Variants in FSTL4 observed in about 807,000 individuals in gnomAD.
The protein encoded by FSTL4 is follistatin-related protein 4.
FSTL4 carries 28 observed loss-of-function variants against 78.2 expected under a neutral mutation model. The ratio of observed to expected loss-of-function variants is 0.36; its 90% CI spans 0.27 to 0.49. FSTL4 has a LOEUF of 0.49. Ranked by LOEUF, FSTL4 falls within the 20% of genes least tolerant of loss-of-function variation. The pLI is 0.98. For synonymous variants in FSTL4, 422 were observed against 440.5 expected (o/e 0.96, Z 0.53); for missense variants, 922 against 1,084.9 (o/e 0.85, Z 2.11).
the FSTL4 span, among the ~76,000 whole-genome samples, chr5:133,811,897 T>C: frequency 6.6e-6 from 1 of 152,202 alleles, no homozygotes; most frequent in African/African-American, 2.4e-5. Context: ...CCCTCCTCCT[T>C]GTCTTCACTT....
At chr5:133,539,101 T>C (rs182998518) in intron 3 of FSTL4, among the ~76,000 whole-genome samples, 5 of 152,228 alleles carry the variant, frequency 3.3e-5, no homozygotes, top group African/African-American at 1.2e-4. Flanking sequence ...AGAAGTCATA[T>C]AGAATCACAT....
At chr5:133,702,852 T>C in the FSTL4 span, among the ~76,000 whole-genome samples, 1 of 152,310 alleles carries the variant, frequency 6.6e-6, no homozygotes, top group South Asian at 2.1e-4. Context: ...GGCAGGGCAC[T>C]GGAGCTTCCT....
At chr5:133,810,017 C>T in the FSTL4 span, among the ~76,000 whole-genome samples, 2 of 152,340 alleles carry the variant, frequency 1.3e-5, no homozygotes, top group Admixed American at 1.3e-4. Context: ...CAAAGAGGAG[C>T]AATGCACTGA....
chr5:133,439,426 C>T (rs935251834), intron 3 of FSTL4, among the ~76,000 whole-genome samples: 1 of 152,144 alleles, frequency 6.6e-6, no homozygotes, highest in Admixed American at 6.6e-5. Flanking sequence ...GGTGGGACTG[C>T]GATTGATACC....
At chr5:133,840,071 CT>C in the FSTL4 span, among the ~76,000 whole-genome samples, 1 of 152,292 alleles carries the variant, frequency 6.6e-6, no homozygotes, top group East Asian at 1.9e-4. Flanking sequence ...GGGACAAAAC[CT>C]TCCTTCTACC....
chr5:133,467,438 T>C (rs1158755512), intron 3 of FSTL4, among the ~76,000 whole-genome samples: 1 of 152,138 alleles, frequency 6.6e-6, no homozygotes, highest in Non-Finnish European at 1.5e-5. Flanking sequence ...CGTTGTCTCC[T>C]AGCTTACAGG....
At chr5:133,542,014 T>A (rs1241078084) in intron 3 of FSTL4, among the ~76,000 whole-genome samples, 1 of 152,084 alleles carries the variant, frequency 6.6e-6, no homozygotes, top group Non-Finnish European at 1.5e-5. Context: ...AATGTACCAT[T>A]CTAGACTTCC....
the FSTL4 span, among the ~76,000 whole-genome samples, chr5:133,806,663 C>T: frequency 1.3e-5 from 2 of 152,202 alleles, no homozygotes; most frequent in Non-Finnish European, 2.9e-5. Flanking sequence ...TCAGGGGCCT[C>T]GGCCCAGAGC....
At chr5:133,443,590 G>C (rs1388575825) in intron 3 of FSTL4, among the ~76,000 whole-genome samples, 1 of 152,182 alleles carries the variant, frequency 6.6e-6, no homozygotes, top group East Asian at 1.9e-4. Context: ...GGTGTGTCTG[G>C]ACCTGGAGTG....
intron 3 of FSTL4, among the ~76,000 whole-genome samples, chr5:133,415,287 G>A (rs951970718): frequency 3.3e-5 from 5 of 152,170 alleles, no homozygotes; most frequent in Non-Finnish European, 7.3e-5. Context: ...GGTAGCATCC[G>A]AAAGTGAAGG....
At chr5:133,605,154 G>C (rs896703539) in intron 1 of FSTL4, among the ~76,000 whole-genome samples, 3 of 152,150 alleles carry the variant, frequency 2.0e-5, no homozygotes, top group African/African-American at 4.8e-5. Context: ...TCAGTATTCT[G>C]ATTATGAAAC....
At chr5:133,505,201 C>CCT (rs1051977137) in intron 3 of FSTL4, among the ~76,000 whole-genome samples, 1 of 151,484 alleles carries the variant, frequency 6.6e-6, no homozygotes, top group Non-Finnish European at 1.5e-5. Flanking sequence ...TTTTTGCCTT[C>CCT]CTCTCTCTCT....
intron 13 of FSTL4, among the ~76,000 whole-genome samples, chr5:133,216,483 G>T (rs1170120112): frequency 6.6e-6 from 1 of 150,390 alleles, no homozygotes; most frequent in African/African-American, 2.5e-5. Context: ...TGAGTAGCTG[G>T]GATTACAGGC....
chr5:133,236,202 G>A lies in FSTL4; in HGVS notation c.895-2665C>T, dbSNP rs551587328. ...TTGAAGCTGGCCTCAGGCTCTGGCA[G>A]GCCCTGCCCTCATCACCACCTGTGT... is the stretch of plus-strand genomic sequence containing the variant. On this transcript the variant is annotated intron_variant, in intron 7 of 15. Transcript: ENST00000265342. This position sits in a 1 kb window ranked among gnomAD's most constrained non-coding sequence, Gnocchi z 5.0. Among the ~76,000 whole-genome samples, 7 of 147,184 alleles carry A rather than the reference G, an allele frequency of 4.8e-5. No homozygotes were observed. In the East Asian group the frequency reaches 1.4e-3, roughly 28 times the overall value.
At chr5:133,789,690 A>G in the FSTL4 span, among the ~76,000 whole-genome samples, 2 of 152,206 alleles carry the variant, frequency 1.3e-5, no homozygotes, top group Non-Finnish European at 2.9e-5. Context: ...ACAGTTCTGG[A>G]GACTGAAGTC....
At chr5:133,261,784 A>C (rs982642354) in intron 6 of FSTL4, among the ~76,000 whole-genome samples, 1 of 152,166 alleles carries the variant, frequency 6.6e-6, no homozygotes, top group Non-Finnish European at 1.5e-5. Flanking sequence ...TGAGCTCAGG[A>C]GTTCAAGGCC....
the FSTL4 span, among the ~76,000 whole-genome samples, chr5:133,767,448 C>T: frequency 1.4e-4 from 22 of 152,272 alleles, no homozygotes; most frequent in East Asian, 4.0e-3. Flanking sequence ...TATGAGAGGG[C>T]ATCAACAGGA....
chr5:133,689,451 AT>A, the FSTL4 span, among the ~76,000 whole-genome samples: 7 of 152,160 alleles, frequency 4.6e-5, no homozygotes, highest in Non-Finnish European at 4.4e-5. Flanking sequence ...ATACATTTGC[AT>A]TTTTTTCCCA....
the FSTL4 span, among the ~76,000 whole-genome samples, chr5:133,631,202 T>C: frequency 4.6e-5 from 7 of 151,276 alleles, no homozygotes; most frequent in East Asian, 1.2e-3. Context: ...ATCATGAGAG[T>C]GAACAGGCAA....
Sources: allele counts gnomAD v4.1 joint callset (sites outside exome capture counted in the v4.1 genomes callset), GRCh38; gene constraint gnomAD v4.1.1; non-coding constraint Gnocchi (gnomAD v3.1); transcripts MANE v1.5; gene names NCBI Gene and HGNC (gene_info 2026-07-23, HGNC 2026-07-21).